The following ADAMTSL1 variants were observed in gnomAD, a reference collection of about 807,000 sequenced individuals.
ADAMTSL1 encodes the protein ADAMTS like 1.
In ADAMTSL1, 126 loss-of-function variants were observed where a neutral mutation model predicts 201.8. The ratio of observed to expected loss-of-function variants is 0.62; its 90% CI spans 0.54 to 0.72. The LOEUF is 0.72. ADAMTSL1 is among the 30% of genes least tolerant of loss of function. The probability of loss-of-function intolerance (pLI) is 0.00; values close to 1 mark genes in which losing one functional copy is unlikely to be tolerated. For missense variants in ADAMTSL1, 2,679 were observed against 2,277.8 expected (o/e 1.18, Z -3.59); for synonymous variants, 1,121 against 903.4 (o/e 1.24, Z -4.32).
chr9:18,815,902 A>G (rs1823818533), intron 20 of ADAMTSL1, among the ~76,000 whole-genome samples: 1 of 152,110 alleles, frequency 6.6e-6, no homozygotes, highest in Non-Finnish European at 1.5e-5. Context: ...TTTATGGGGA[A>G]CAGTGTGATT....
At chr9:18,070,669 A>C (rs912611879) in intron 1 of ADAMTSL1, among the ~76,000 whole-genome samples, 9 of 152,194 alleles carry the variant, frequency 5.9e-5, no homozygotes, top group African/African-American at 1.9e-4. Flanking sequence ...GGAAATGATA[A>C]GAAAGCAAAG....
At chr9:18,706,703 C>A in intron 13 of ADAMTSL1, 44 bp from the exon 14 acceptor site, 1 of 1,524,854 alleles carries the variant, frequency 6.6e-7, no homozygotes, top group Non-Finnish European at 8.8e-7. Flanking sequence ...GGCTTCCTGC[C>A]TGGGGCTTCT....
chr9:18,410,880 T>C (rs1220291025), intron 2 of ADAMTSL1, among the ~76,000 whole-genome samples: 1 of 150,454 alleles, frequency 6.6e-6, no homozygotes, highest in Non-Finnish European at 1.5e-5. Context: ...TCTTGCTCTG[T>C]CACCAGGCTG....
chr9:18,354,957 C>G (rs1836146849), intron 2 of ADAMTSL1, among the ~76,000 whole-genome samples: 1 of 152,052 alleles, frequency 6.6e-6, no homozygotes, highest in African/African-American at 2.4e-5. Context: ...GGCGACAAAG[C>G]AAGACTCCAT....
At chr9:18,588,918 T>TATATATATATATATATATATATATATATA (rs890794270) in intron 4 of ADAMTSL1, among the ~76,000 whole-genome samples, 1 of 65,926 alleles carries the variant, frequency 1.5e-5, no homozygotes, top group African/African-American at 4.7e-5. Flanking sequence ...TATATACACA[T>TATATATATATATATATATATATATATATA]TTTTTTTTTG....
intron 2 of ADAMTSL1, among the ~76,000 whole-genome samples, chr9:18,173,202 A>G (rs999468289): frequency 5.9e-5 from 9 of 152,200 alleles, no homozygotes; most frequent in African/African-American, 1.9e-4. Flanking sequence ...ATATCTGGCA[A>G]ATAGAACAAA....
At chr9:18,657,875 G>C (rs1407680932) in intron 8 of ADAMTSL1, 125 bp downstream of exon 8, 4 of 726,906 alleles carry the variant, frequency 5.5e-6, no homozygotes, top group South Asian at 3.5e-5. Context: ...CCTTTCTTCT[G>C]AACAGAGTGG....
intron 1 of ADAMTSL1, among the ~76,000 whole-genome samples, chr9:18,159,219 C>G (rs984391677): frequency 2.6e-5 from 4 of 151,970 alleles, no homozygotes; most frequent in Admixed American, 6.6e-5. Context: ...ACAGGCATAA[C>G]ATATTTTACA....
At chr9:18,271,460 A>G (rs1163964177) in intron 2 of ADAMTSL1, among the ~76,000 whole-genome samples, 1 of 152,100 alleles carries the variant, frequency 6.6e-6, no homozygotes, top group Non-Finnish European at 1.5e-5. Flanking sequence ...TTTACTGAGA[A>G]TGATGGTTTC....
chr9:17,934,816 C>T (rs1826936630), intron 1 of ADAMTSL1, among the ~76,000 whole-genome samples: 1 of 150,816 alleles, frequency 6.6e-6, no homozygotes, highest in Non-Finnish European at 1.5e-5. Flanking sequence ...CGTCATTCTA[C>T]TTGGCGCCCC....
chr9:18,420,829 T>C (rs1382259431), intron 2 of ADAMTSL1, among the ~76,000 whole-genome samples: 1 of 152,108 alleles, frequency 6.6e-6, no homozygotes, highest in Non-Finnish European at 1.5e-5. Flanking sequence ...AGGAAAAAAA[T>C]AGTTTTTGTC....
intron 2 of ADAMTSL1, among the ~76,000 whole-genome samples, chr9:18,191,414 C>T (rs921752292): frequency 2.6e-5 from 4 of 152,166 alleles, no homozygotes; most frequent in Admixed American, 6.6e-5. Flanking sequence ...CTGATGGCAT[C>T]TCAGGCGACA....
At position 18,179,660 on chromosome 9, in the gene ADAMTSL1, G is replaced by A. The variant is rs533154647; in HGVS notation, c.207+15679G>A. Among the ~76,000 whole-genome samples the A allele has an allele frequency of 9.2e-5, 14 of 152,342 alleles. No individual in the cohort carries two copies. In the South Asian group the frequency reaches 2.7e-3, roughly 29 times the overall value. ...GTTACCCTCAAAGGGAAGCCCATCA[G>A]ACTAACAGCGGATCTCTCGGCAGAA... On this transcript the variant is annotated intron_variant, in intron 2 of 29. Transcript: ENST00000680146.
chr9:18,789,007 G>C (rs79461297), intron 19 of ADAMTSL1, among the ~76,000 whole-genome samples: 1 of 152,028 alleles, frequency 6.6e-6, no homozygotes, highest in South Asian at 2.1e-4. Flanking sequence ...AACGTGCTAC[G>C]TGGCCTCACT....
intron 2 of ADAMTSL1, among the ~76,000 whole-genome samples, chr9:18,229,110 A>G (rs555374153): frequency 1.2e-4 from 19 of 152,284 alleles, no homozygotes; most frequent in Admixed American, 1.2e-3. Context: ...CATATGCAAA[A>G]AAGAAAGTAT....
intron 17 of ADAMTSL1, among the ~76,000 whole-genome samples, chr9:18,774,320 T>C (rs1201113722): frequency 6.6e-6 from 1 of 151,984 alleles, no homozygotes; most frequent in African/African-American, 2.4e-5. Flanking sequence ...AAATTAAAGG[T>C]CTCCAAACTA....
chr9:17,949,950 G>T (rs1827666739), intron 1 of ADAMTSL1, among the ~76,000 whole-genome samples: 1 of 151,984 alleles, frequency 6.6e-6, no homozygotes, highest in South Asian at 2.1e-4. Context: ...ACGGTGTCTG[G>T]CTCTGTCACC....
At chr9:18,063,234 A>G (rs1362643136) in intron 1 of ADAMTSL1, among the ~76,000 whole-genome samples, 1 of 152,158 alleles carries the variant, frequency 6.6e-6, no homozygotes, top group Non-Finnish European at 1.5e-5. Flanking sequence ...CTATAGTTTC[A>G]GCGACTTGGA....
intron 2 of ADAMTSL1, among the ~76,000 whole-genome samples, chr9:18,309,665 T>G (rs558890119): frequency 6.6e-6 from 1 of 151,976 alleles, no homozygotes; most frequent in South Asian, 2.1e-4. Flanking sequence ...TAAAAACCAC[T>G]GCTCAACAAA....
Sources: allele counts gnomAD v4.1 joint callset (sites outside exome capture counted in the v4.1 genomes callset), GRCh38; gene constraint gnomAD v4.1.1; transcripts MANE v1.5; gene names NCBI Gene and HGNC (gene_info 2026-07-23, HGNC 2026-07-21).